UTP20: variants seen among roughly 807,000 people sequenced by gnomAD.
UTP20 encodes the protein UTP20 small subunit processome component, also known as small subunit processome component 20 homolog.
Under a neutral mutation model 329.5 loss-of-function variants are expected in UTP20, and 164 were observed. The observed-to-expected ratio is 0.50, with a 90% CI of 0.44 to 0.57. The LOEUF (loss-of-function observed/expected upper bound fraction) is 0.57. Ranked by LOEUF, UTP20 falls within the 20% of genes least tolerant of loss-of-function variation. The pLI is 0.00. For synonymous variants in UTP20, 1,151 were observed against 1,159.3 expected (o/e 0.99, Z 0.14); for missense variants, 3,055 against 3,284.2 (o/e 0.93, Z 1.71).
At chr12:101,307,398 A>G (rs979268141) in intron 17 of UTP20, among the ~76,000 whole-genome samples, 3 of 151,580 alleles carry the variant, frequency 2.0e-5, no homozygotes, top group Non-Finnish European at 4.4e-5. Context: ...TTTTCTTTTT[A>G]CGGGGTCTCA....
intron 48 of UTP20, among the ~76,000 whole-genome samples, chr12:101,368,955 G>A (rs1270803347): frequency 6.6e-6 from 1 of 152,212 alleles, no homozygotes; most frequent in East Asian, 1.9e-4. Context: ...GGTGTTATTA[G>A]ATGGAGCTGA....
At chr12:101,314,652 TG>T (rs1268397609) in intron 21 of UTP20, among the ~76,000 whole-genome samples, 1 of 140,480 alleles carries the variant, frequency 7.1e-6, no homozygotes, top group Non-Finnish European at 1.5e-5. Flanking sequence ...AGCGAGACTC[TG>T]TCTCAAAAAA....
rs760468219 is a variant in UTP20 at position 101,373,491 on chromosome 12, A to C, written c.6948+21A>C. The C allele has an allele frequency of 3.7e-6, 6 of 1,613,988 alleles. No homozygotes were observed. In the African/African-American group the frequency reaches 5.3e-5, roughly 14 times the overall value. On this transcript the variant is annotated intron_variant, in intron 53 of 61. Transcript: ENST00000261637. ...CTCAGGTACTGTGACCCCAGAGATA[A>C]GCCCCGTGACTCCTGGAAGTCCTCA...
At position 101,354,982 on chromosome 12, in the gene UTP20, AAG is replaced by A; in HGVS notation, c.5260_5261del (p.Glu1754IlefsTer23). The stretch of plus-strand genomic sequence containing the variant: ...GCTGACTCTGGAGGAACATCAGCTA[AAG>A]AATCCGAGTGTATCACAAAGCCTGT... On this transcript the variant is annotated frameshift_variant, in exon 41 of 62. Coordinates refer to ENST00000261637, the MANE Select transcript of UTP20 (RefSeq NM_014503.3). LOFTEE classifies it high-confidence loss of function. 1 of 1,614,226 alleles carries A rather than the reference AAG, an allele frequency of 6.2e-7. No homozygotes were observed. Among genetic ancestry groups the A allele is most frequent in the East Asian group, 2.2e-5 (1 of 44,888 alleles).
intron 29 of UTP20, among the ~76,000 whole-genome samples, chr12:101,337,760 T>G (rs978242114): frequency 6.6e-6 from 1 of 152,208 alleles, no homozygotes; most frequent in East Asian, 1.9e-4. Context: ...ATTAGCTCAG[T>G]GGCTTCGGAC....
intron 51 of UTP20, among the ~76,000 whole-genome samples, chr12:101,371,730 CA>C (rs1328240699): frequency 6.6e-6 from 1 of 151,914 alleles, no homozygotes; most frequent in African/African-American, 2.4e-5. Flanking sequence ...GATGAGGTTT[CA>C]CCATGTTGGC....
intron 15 of UTP20, among the ~76,000 whole-genome samples, chr12:101,303,678 C>T (rs1179095286): frequency 2.6e-5 from 4 of 152,074 alleles, no homozygotes; most frequent in East Asian, 1.9e-4. Flanking sequence ...CTTAGGTCAC[C>T]GTAGGGCCTT....
chr12:101,350,344 AT>A (rs1869476393), intron 38 of UTP20, among the ~76,000 whole-genome samples: 1 of 151,874 alleles, frequency 6.6e-6, no homozygotes, highest in Non-Finnish European at 1.5e-5. Flanking sequence ...TTTTTAATTT[AT>A]TTTTTGTAGA....
At chr12:101,308,519 T>A (rs913771121) in intron 18 of UTP20, among the ~76,000 whole-genome samples, 176 bp downstream of exon 18, 5 of 152,020 alleles carry the variant, frequency 3.3e-5, no homozygotes, top group African/African-American at 1.2e-4. Flanking sequence ...ACCAGCTTTT[T>A]TAAGTAGCAG....
At chr12:101,336,611 G>A (rs1326708292) in intron 29 of UTP20, among the ~76,000 whole-genome samples, 1 of 152,190 alleles carries the variant, frequency 6.6e-6, no homozygotes, top group Non-Finnish European at 1.5e-5. Flanking sequence ...CAGCATAGCA[G>A]TCTCTTCTTC....
chr12:101,320,561 A>T (rs931469525), intron 23 of UTP20, among the ~76,000 whole-genome samples: 2 of 152,104 alleles, frequency 1.3e-5, no homozygotes, highest in African/African-American at 4.8e-5. Flanking sequence ...GTTTGAAAAA[A>T]AAAAGAGAAA....
intron 6 of UTP20, among the ~76,000 whole-genome samples, chr12:101,289,586 G>C (rs1181978915): frequency 6.6e-6 from 1 of 151,952 alleles, no homozygotes; most frequent in African/African-American, 2.4e-5. Flanking sequence ...GATCTAATTT[G>C]GGTCACTATT....
intron 24 of UTP20, among the ~76,000 whole-genome samples, chr12:101,321,262 A>G (rs936724307): frequency 6.6e-6 from 1 of 152,192 alleles, no homozygotes; most frequent in Non-Finnish European, 1.5e-5. Flanking sequence ...TTTTTGTATC[A>G]TGCTTTTTTA....
intron 17 of UTP20, among the ~76,000 whole-genome samples, chr12:101,307,077 C>T (rs1468412416): frequency 6.6e-6 from 1 of 150,890 alleles, no homozygotes; most frequent in East Asian, 2.0e-4. Flanking sequence ...ACTCGGGAGG[C>T]TGAGGCAGGA....
chr12:101,346,529 C>G lies in UTP20; in HGVS notation c.4825C>G (p.Leu1609Val), dbSNP rs756979304. Residue 1609 changes from leucine to valine, a missense_variant, in exon 38 of 62, where the codon CTT becomes GTT. By Grantham distance (32) the Leu-to-Val change is conservative. This residue lies in a region of UTP20 where 2,445 missense variants were observed against 2,575.5 expected (regional missense o/e 0.95). Transcript: ENST00000261637. ...EGKVVLSSKSLQNYIMPYAMT... is the reference protein window; with the variant it reads ...EGKVVLSSKSVQNYIMPYAMT... ...CAAAGTTGTTCTGTCTTCTAAATCT[C>G]TTCAGAATTACATCATGCCTTATGC... 2.5e-6 allele frequency: 4 copies of G among 1,609,956 alleles called. No homozygotes were observed.
At chr12:101,318,779 C>T (rs558757323) in intron 22 of UTP20, among the ~76,000 whole-genome samples, 1 of 141,574 alleles carries the variant, frequency 7.1e-6, no homozygotes, top group East Asian at 2.3e-4. Flanking sequence ...TGCTGTGAGC[C>T]GTGGTTGTGC....
At chr12:101,353,535 T>C (rs986105832) in intron 40 of UTP20, among the ~76,000 whole-genome samples, 10 of 152,002 alleles carry the variant, frequency 6.6e-5, no homozygotes, top group African/African-American at 2.4e-4. Context: ...AAATAAGTAT[T>C]TGAAAAGATT....
At chr12:101,334,146 C>G (rs1390238763) in intron 28 of UTP20, among the ~76,000 whole-genome samples, 1 of 152,198 alleles carries the variant, frequency 6.6e-6, no homozygotes, top group Non-Finnish European at 1.5e-5. Context: ...GGAAATGTTT[C>G]TAGGTGTTTG....
rs759019749 is a variant in UTP20 at position 101,343,044 on chromosome 12, A to G, written c.4400A>G (p.Asp1467Gly). ...TSYIKEMQIVDVNYLIPVMHN... is the reference protein window; with the variant it reads ...TSYIKEMQIVGVNYLIPVMHN... Reference sequence around the variant, plus strand: ...TACATTAAAGAAATGCAAATTGTGGATGTTAACTACCTAATTCCAGTTATG... The same window carrying G: ...TACATTAAAGAAATGCAAATTGTGGGTGTTAACTACCTAATTCCAGTTATG... The change falls in exon 35 of 62, where the codon GAT becomes GGT. Residue 1467 changes from aspartate (D) to glycine (G), a missense_variant. By Grantham distance (94) the Asp-to-Gly change is moderately conservative (BLOSUM62 -1). Transcript: ENST00000261637. 1.2e-6 allele frequency: 2 copies of G among 1,612,956 alleles called. No homozygotes were observed. The highest frequency in any genetic ancestry group is 3.3e-5 in the Admixed American group (2 of 59,986).
Sources: gnomAD v4.1 joint callset for allele counts (sites outside exome capture counted in the v4.1 genomes callset) on GRCh38, gnomAD v4.1.1 for gene constraint, gnomAD v4.1.1 regional missense constraint, MANE v1.5 for transcripts, NCBI Gene and HGNC (gene_info 2026-07-23, HGNC 2026-07-21) for gene names.